IKBKE: variants seen among roughly 807,000 people sequenced by gnomAD.
IKBKE encodes inhibitor of nuclear factor kappa B kinase subunit epsilon, also known as inhibitor of nuclear factor kappa-B kinase subunit epsilon.
Under a neutral mutation model 92.1 loss-of-function variants are expected in IKBKE, and 45 were observed. The ratio of observed to expected loss-of-function variants is 0.49; its 90% CI spans 0.38 to 0.63. The LOEUF (loss-of-function observed/expected upper bound fraction) is 0.63. IKBKE is among the 20% of genes least tolerant of loss of function. The probability of loss-of-function intolerance (pLI) is 0.00; values close to 1 mark genes in which losing one functional copy is unlikely to be tolerated. For missense variants in IKBKE, 700 were observed against 932.8 expected, an observed-to-expected ratio of 0.75 and a Z score of 3.25; for synonymous variants, 374 against 380.3, an observed-to-expected ratio of 0.98 and a Z score of 0.19.
chr1:206,493,463 G>T, intron 20 of IKBKE, 85 bp downstream of exon 20: 4 of 1,046,494 alleles, frequency 3.8e-6, no homozygotes, highest in Non-Finnish European at 5.8e-6. Context: ...AGCCTGAGGG[G>T]TTTGGCGTCA....
In IKBKE at chr1:206,478,007, C is replaced by G. The variant is rs2297543; in HGVS notation, c.812+148C>G. The G allele has an allele frequency of 1.2e-6, 1 of 837,370 alleles. No homozygotes were observed. The allele number at this position is 837,370 out of a possible 1,614,324, so 51.9% of individuals were successfully genotyped here. A position where few individuals can be genotyped will look rare whatever the true frequency, so the allele number is the denominator to read the frequency against. ...CCACTTTCCCATCTGGTTGCTGGAA[C>G]GAGTTCTTCCAGCTCTTCCTCCCCA... On this transcript the variant is annotated intron_variant, in intron 8 of 21. Transcript: ENST00000581977. This position sits in a 1 kb window ranked among gnomAD's most constrained non-coding sequence, Gnocchi z 4.8.
At chr1:206,492,947 C>A in intron 18 of IKBKE, 76 bp from the exon 19 acceptor site, 1 of 1,275,928 alleles carries the variant, frequency 7.8e-7, no homozygotes, top group Non-Finnish European at 1.1e-6. Flanking sequence ...ATGTGTGGAT[C>A]CGATGGCAGC....
chr1:206,484,513 G>A (rs1665553705), intron 13 of IKBKE, among the ~76,000 whole-genome samples: 1 of 152,130 alleles, frequency 6.6e-6, no homozygotes, highest in African/African-American at 2.4e-5. Context: ...TTGCTTGTAA[G>A]GCTATGCCCC....
At chr1:206,477,217 G>A (rs895206947) in intron 7 of IKBKE, among the ~76,000 whole-genome samples, 6 of 152,150 alleles carry the variant, frequency 3.9e-5, no homozygotes, top group South Asian at 4.1e-4. Context: ...TTGTGCCATC[G>A]GACAGGGAAG....
Position 206,484,945 on chromosome 1 carries a change from C to T in IKBKE, c.1428-52C>T, listed in dbSNP as rs1289933226. On this transcript the variant is annotated intron_variant, in intron 13 of 21. Coordinates refer to ENST00000581977, the MANE Select transcript of IKBKE (RefSeq NM_014002.4). ...GCCAACAGAGCTCTCTGCCTCCCAC[C>T]TTGGCTGCTCCTAAGCCCCCAAATG... is the stretch of plus-strand genomic sequence containing the variant. The T allele has an allele frequency of 2.7e-6, 4 of 1,455,210 alleles. No homozygotes were observed. The African/African-American group carries it at 4.2e-5, about 15-fold the overall frequency. The allele number at this position is 1,455,210 out of a possible 1,614,324, so 90.1% of individuals were successfully genotyped here. A position where few individuals can be genotyped will look rare whatever the true frequency, so the allele number is the denominator to read the frequency against.
At chr1:206,488,194 C>A (rs1376017414) in intron 16 of IKBKE, among the ~76,000 whole-genome samples, 1 of 152,236 alleles carries the variant, frequency 6.6e-6, no homozygotes. Context: ...AAGCTGCCTG[C>A]AGGCCAGTGG....
rs782766611 is a variant in IKBKE, at chr1:206,480,514, AG to A, written c.1409del (p.Ser470ThrfsTer20). ...VARTSLLYLS[S>X]SLGTERFSSV... ...AAGGACATCCCTCCTCTACCTCAGC[AG>A]CAGCCTGGGAACTGAGAGGTGGGTG... On this transcript the variant is annotated frameshift_variant, in exon 13 of 22. Coordinates refer to ENST00000581977, the MANE Select transcript of IKBKE (RefSeq NM_014002.4). LOFTEE classifies it high-confidence loss of function. The A allele has an allele frequency of 6.2e-7, 1 of 1,613,604 alleles. No individual in the cohort carries two copies. Among genetic ancestry groups the A allele is most frequent in the South Asian group, 1.1e-5 (1 of 91,026 alleles).
rs540836360 is a variant in IKBKE at position 206,485,455 on chromosome 1, G to A, written c.1616+149G>A. The A allele has an allele frequency of 1.1e-5, 7 of 612,310 alleles. No individual in the cohort carries two copies. Among genetic ancestry groups the A allele is most frequent in the Non-Finnish European group, 1.8e-5 (6 of 339,020 alleles). The allele number at this position is 612,310 out of a possible 1,614,324, so 37.9% of individuals were successfully genotyped here. A position where few individuals can be genotyped will look rare whatever the true frequency, so the allele number is the denominator to read the frequency against. On this transcript the variant is annotated intron_variant, in intron 15 of 21. Coordinates refer to ENST00000581977, the MANE Select transcript of IKBKE (RefSeq NM_014002.4). The surrounding 1 kb of genome is among the most constrained non-coding windows in gnomAD (Gnocchi z 5.0). Reference sequence around the variant, plus strand: ...GCATGGGGGAGTAGAGGGAGATCCAGCAATAAACAAGAACCCCCCGACTGC... The same window carrying A: ...GCATGGGGGAGTAGAGGGAGATCCAACAATAAACAAGAACCCCCCGACTGC...
chr1:206,488,627 A>AGTTG (rs1459245727), intron 16 of IKBKE, among the ~76,000 whole-genome samples: 3 of 152,196 alleles, frequency 2.0e-5, no homozygotes, highest in Non-Finnish European at 4.4e-5. Context: ...CGGAGGCTCC[A>AGTTG]GTTGACTCCT....
At position 206,496,673 on chromosome 1, in the gene IKBKE, A is replaced by G; in HGVS notation, c.*528A>G. The stretch of plus-strand genomic sequence containing the variant: ...CACCACTGCCAGCCTCAGGCAACAT[A>G]GAGAGCCTCCTGTTCTTTCTATGCT... On this transcript the variant is annotated 3_prime_UTR_variant, in exon 22 of 22. Coordinates refer to ENST00000581977, the MANE Select transcript of IKBKE (RefSeq NM_014002.4). 1 of 234,178 alleles carries G rather than the reference A, an allele frequency of 4.3e-6. No individual in the cohort carries two copies. Among genetic ancestry groups the G allele is most frequent in the East Asian group, 6.0e-5 (1 of 16,594 alleles). 14.5% of individuals were successfully genotyped at this position (234,178 alleles called of 1,614,324 possible).
chr1:206,473,004 T>C (rs1664862375), intron 2 of IKBKE, 192 bp from the exon 3 acceptor site: 11 of 551,708 alleles, frequency 2.0e-5, no homozygotes, highest in Admixed American at 1.1e-4. Flanking sequence ...GGCCCTCTTG[T>C]TGTGCTGTGC....
At chr1:206,472,372 T>A (rs1015071558) in intron 2 of IKBKE, among the ~76,000 whole-genome samples, 1 of 151,838 alleles carries the variant, frequency 6.6e-6, no homozygotes, top group African/African-American at 2.4e-5. Flanking sequence ...AGAAATTGAG[T>A]TTAACTTCTG....
rs201952639 is a variant in IKBKE at position 206,474,850 on chromosome 1, C to T, written c.229-15C>T. The stretch of plus-strand genomic sequence containing the variant: ...AAGTGCCGTCCTCATGAGCCCCTCT[C>T]TGTCCCACCCATAGGGCGGAAGCCG... On this transcript the variant is annotated splice_polypyrimidine_tract_variant and intron_variant, in intron 4 of 21. Coordinates refer to ENST00000581977, the MANE Select transcript of IKBKE (RefSeq NM_014002.4). The T allele has an allele frequency of 1.6e-5, 26 of 1,613,174 alleles. No individual in the cohort carries two copies. In the East Asian group the frequency reaches 5.3e-4, roughly 33 times the overall value.
intron 20 of IKBKE, 125 bp from the exon 21 acceptor site, chr1:206,493,795 G>A: frequency 1.4e-6 from 1 of 695,652 alleles, no homozygotes; most frequent in Non-Finnish European, 2.4e-6. Context: ...TCTCAAATAA[G>A]CAAACAAAAA....
chr1:206,474,571 C>A, intron 4 of IKBKE, 100 bp downstream of exon 4: 1 of 1,274,122 alleles, frequency 7.8e-7, no homozygotes, highest in Middle Eastern at 2.0e-4. Context: ...CCATGCTCAT[C>A]AGCAGGTCAG....
chr1:206,492,381 T>C (rs1256450040), intron 18 of IKBKE: 2 of 460,238 alleles, frequency 4.3e-6, no homozygotes, highest in Non-Finnish European at 9.1e-6. Context: ...CTGAGGCCTG[T>C]AGGACCTCAC....
At position 206,487,662 on chromosome 1, in the gene IKBKE, A is replaced by G. The variant is rs1412209049; in HGVS notation, c.1617-252A>G. 6.6e-6 allele frequency among the ~76,000 whole-genome samples: 1 copy of G among 151,892 alleles called. No individual in the cohort carries two copies. The highest frequency in any genetic ancestry group is 1.5e-5 in the Non-Finnish European group (1 of 67,970). Reference sequence around the variant, plus strand: ...TGGCTTCCTGTCTCTCTTATCTCCTACTTAACTCATGCTGCGAGTGCATGT... The same window carrying G: ...TGGCTTCCTGTCTCTCTTATCTCCTGCTTAACTCATGCTGCGAGTGCATGT... On this transcript the variant is annotated intron_variant, in intron 15 of 21. Transcript: ENST00000581977. This position sits in a 1 kb window ranked among gnomAD's most constrained non-coding sequence, Gnocchi z 5.3.
chr1:206,488,410 AG>A (rs41299245), intron 16 of IKBKE, among the ~76,000 whole-genome samples: 3 of 152,206 alleles, frequency 2.0e-5, no homozygotes, highest in Admixed American at 1.3e-4. Context: ...TTTCCAGAAA[AG>A]GGGGGGTCAG....
rs1664755517 is a variant in IKBKE, at chr1:206,471,202, C to A, written c.-76C>A. 6.6e-6 allele frequency: 1 copy of A among 152,286 alleles called. No homozygotes were observed. 9.4% of individuals were successfully genotyped at this position (152,286 alleles called of 1,614,324 possible). ...AGACAGAAAGCATAACATACACTCG[C>A]CAGGAAGAGCCTTTGCCTGACTCAG... is the stretch of plus-strand genomic sequence containing the variant. On this transcript the variant is annotated 5_prime_UTR_variant, in exon 2 of 22. Coordinates refer to ENST00000581977, the MANE Select transcript of IKBKE (RefSeq NM_014002.4).
Sources: gnomAD v4.1 joint callset for allele counts (sites outside exome capture counted in the v4.1 genomes callset) on GRCh38, gnomAD v4.1.1 for gene constraint, Gnocchi (gnomAD v3.1) non-coding constraint, MANE v1.5 for transcripts, NCBI Gene and HGNC (gene_info 2026-07-23, HGNC 2026-07-21) for gene names.